The following DDHD1 variants were observed in gnomAD, a reference collection of about 807,000 sequenced individuals.
DDHD1 encodes DDHD domain containing 1.
In DDHD1, 49 loss-of-function variants were observed where a neutral mutation model predicts 96.4. That is an observed-to-expected ratio of 0.51 (90% confidence interval 0.40 to 0.64). The LOEUF is 0.64. Among genes scored for constraint, DDHD1 ranks in the 30% least tolerant of loss-of-function variants. The pLI, the probability that DDHD1 is intolerant of heterozygous loss-of-function variation, is 0.00. For synonymous variants in DDHD1, 442 were observed against 446.5 expected, an observed-to-expected ratio of 0.99 and a Z score of 0.13; for missense variants, 1,106 against 1,161.2, an observed-to-expected ratio of 0.95 and a Z score of 0.69.
chr14:53,086,668 GAAC>G (rs1216433193), intron 4 of DDHD1, among the ~76,000 whole-genome samples: 1 of 152,068 alleles, frequency 6.6e-6, no homozygotes, highest in Admixed American at 6.6e-5. Flanking sequence ...ACATGGAAAG[GAAC>G]AACTGGTACC....
Position 53,043,560 on chromosome 14 carries a change from T to C in DDHD1, c.*3208A>G, listed in dbSNP as rs1022569365. The C allele has an allele frequency of 1.3e-5, 2 of 150,516 alleles. No homozygotes were observed. Among genetic ancestry groups the C allele is most frequent in the African/African-American group, 5.0e-5 (2 of 39,780 alleles). 9.3% of individuals were successfully genotyped at this position (150,516 alleles called of 1,614,324 possible). ...TACCGACCTCAGCCTCCTGAGTAGC[T>C]GGGACCACAGGCGTCTGCCAACACA... On this transcript the variant is annotated 3_prime_UTR_variant, in exon 13 of 13. Transcript: ENST00000673822.
rs1884832898 is a variant in DDHD1, at chr14:53,074,987, T to C, written c.1290-1140A>G. Reference sequence around the variant, plus strand: ...GTATAAGATGAGCTTAATCGATAAATGTATGTGGTCTGACTGTTCCACTGA... The same window carrying C: ...GTATAAGATGAGCTTAATCGATAAACGTATGTGGTCTGACTGTTCCACTGA... On this transcript the variant is annotated intron_variant, in intron 4 of 12. Coordinates refer to ENST00000673822, the MANE Select transcript of DDHD1 (RefSeq NM_001160148.2). Among the ~76,000 whole-genome samples, 4 of 152,258 alleles carry C rather than the reference T, an allele frequency of 2.6e-5. No individual in the cohort carries two copies. In the South Asian group the frequency reaches 8.3e-4, roughly 32 times the overall value.
intron 4 of DDHD1, among the ~76,000 whole-genome samples, chr14:53,088,288 A>T (rs1238603878): frequency 6.6e-6 from 1 of 152,242 alleles, no homozygotes. Flanking sequence ...CAGTCAACAG[A>T]AAAAGAGGGA....
intron 8 of DDHD1, 22 bp downstream of exon 8, chr14:53,061,104 G>T (rs1025379572): frequency 6.3e-7 from 1 of 1,592,626 alleles, no homozygotes; most frequent in South Asian, 1.1e-5. Context: ...CAATGTTGAA[G>T]AACACATTGC....
chr14:53,101,486 G>A lies in DDHD1; in HGVS notation c.1012+2197C>T, dbSNP rs986101354. 7.2e-5 allele frequency among the ~76,000 whole-genome samples: 11 copies of A among 151,910 alleles called. No homozygotes were observed. The South Asian group carries it at 8.3e-4, about 11-fold the overall frequency. On this transcript the variant is annotated intron_variant, in intron 2 of 12. Coordinates refer to ENST00000673822, the MANE Select transcript of DDHD1 (RefSeq NM_001160148.2). Reference sequence around the variant, plus strand: ...TTATAAAAACAAATTTTCTTCTAATGAACCTCAAAGAATCATCATTTTTGA... The same window carrying A: ...TTATAAAAACAAATTTTCTTCTAATAAACCTCAAAGAATCATCATTTTTGA...
rs74559384 is a variant in DDHD1 at position 53,127,983 on chromosome 14, G to A, written c.839-24127C>T. Among the ~76,000 whole-genome samples, 619 of 152,326 alleles carry A rather than the reference G, an allele frequency of 4.1e-3. 7 individuals are homozygous for A. The highest frequency in any genetic ancestry group is 0.014 in the African/African-American group (593 of 41,580). ...TGTTGGGGGAGGAACCTCATGGGAG[G>A]TGAACAGAACACGCGGGTGGTTGCC... On this transcript the variant is annotated intron_variant, in intron 1 of 12. Coordinates refer to ENST00000673822, the MANE Select transcript of DDHD1 (RefSeq NM_001160148.2).
intron 1 of DDHD1, among the ~76,000 whole-genome samples, chr14:53,148,127 A>G (rs1476418807): frequency 1.3e-5 from 2 of 152,214 alleles, no homozygotes; most frequent in Non-Finnish European, 1.5e-5. Flanking sequence ...AGTAGGCTGT[A>G]TAAGTATACC....
At chr14:53,112,881 G>A (rs952770186) in intron 1 of DDHD1, among the ~76,000 whole-genome samples, 1 of 152,116 alleles carries the variant, frequency 6.6e-6, no homozygotes, top group Non-Finnish European at 1.5e-5. Context: ...TGAAAATCAT[G>A]AAGAGTGCCT....
chr14:53,075,196 C>T (rs1301761615), intron 4 of DDHD1, among the ~76,000 whole-genome samples: 2 of 152,130 alleles, frequency 1.3e-5, no homozygotes, highest in East Asian at 3.8e-4. Context: ...GTGAGAGAGG[C>T]ATGTCAAAAG....
chr14:53,111,550 G>T (rs1028191120), intron 1 of DDHD1, among the ~76,000 whole-genome samples: 5 of 152,106 alleles, frequency 3.3e-5, no homozygotes, highest in Admixed American at 6.5e-5. Context: ...GAGTTTTCCT[G>T]TACAGGTCAT....
intron 1 of DDHD1, among the ~76,000 whole-genome samples, chr14:53,107,640 A>C (rs1176409603): frequency 6.6e-6 from 1 of 152,094 alleles, no homozygotes; most frequent in African/African-American, 2.4e-5. Context: ...AAAATACAAA[A>C]ATTAGCCAGG....
rs1238539066 is a variant in DDHD1 at position 53,058,482 on chromosome 14, G to C, written c.1987C>G (p.Pro663Ala). ...GAGTCTATATTGCAACTCACCACTG[G>C]ATCTGTAGGATGAAAAATATTTAGT... Reference protein sequence around the residue: ...RLLNIFHPTDPVAYRLEPLIL... With the variant: ...RLLNIFHPTDAVAYRLEPLIL... The change falls in exon 9 of 13, where the codon CCA (proline) becomes GCA (alanine). Residue 663 changes from proline (P) to alanine (A), a missense_variant. Coordinates refer to ENST00000673822, the MANE Select transcript of DDHD1 (RefSeq NM_001160148.2). The C allele has an allele frequency of 6.2e-7, 1 of 1,610,342 alleles. No homozygotes were observed. Among genetic ancestry groups the C allele is most frequent in the Admixed American group, 1.7e-5 (1 of 59,134 alleles).
rs1437222148 is a variant in DDHD1, at chr14:53,142,245, A to G, written c.838+10016T>C. Among the ~76,000 whole-genome samples, 5 of 152,362 alleles carry G rather than the reference A, an allele frequency of 3.3e-5. No individual in the cohort carries two copies. The South Asian group carries it at 6.2e-4, about 19-fold the overall frequency. ...TGTTCCCACATGGTTTTTATTGCCA[A>G]TGCTGGATAAGGAATGGCTGTCACG... On this transcript the variant is annotated intron_variant, in intron 1 of 12. Coordinates refer to ENST00000673822, the MANE Select transcript of DDHD1 (RefSeq NM_001160148.2).
chr14:53,125,807 T>A (rs1191894560), intron 1 of DDHD1, among the ~76,000 whole-genome samples: 1 of 151,898 alleles, frequency 6.6e-6, no homozygotes, highest in Non-Finnish European at 1.5e-5. Context: ...GTTCATATGA[T>A]TCTCCTGCCT....
rs1414002995 is a variant in DDHD1 at position 53,043,340 on chromosome 14, T to TA, written c.*3427dup. On this transcript the variant is annotated 3_prime_UTR_variant, in exon 13 of 13. Transcript: ENST00000673822. ...CCGTTTAACAGAAAGAAGTAAAACG[T>TA]AAGATTCCTAAGGCTTGCTTCACAT... 4 of 151,992 alleles carry TA rather than the reference T, an allele frequency of 2.6e-5. No homozygotes were observed. Among genetic ancestry groups the TA allele is most frequent in the African/African-American group, 9.7e-5 (4 of 41,350 alleles). 9.4% of individuals were successfully genotyped at this position (151,992 alleles called of 1,614,324 possible).
intron 1 of DDHD1, among the ~76,000 whole-genome samples, chr14:53,110,124 G>T (rs1887999937): frequency 6.6e-6 from 1 of 152,220 alleles, no homozygotes; most frequent in Non-Finnish European, 1.5e-5. Context: ...CCAAGATGCT[G>T]CCTCCTCAAG....
chr14:53,096,465 T>C (rs942943509), intron 2 of DDHD1, among the ~76,000 whole-genome samples: 1 of 152,082 alleles, frequency 6.6e-6, no homozygotes, highest in Admixed American at 6.6e-5. Flanking sequence ...CTGATTATCA[T>C]GTTTAATGTC....
intron 1 of DDHD1, among the ~76,000 whole-genome samples, chr14:53,148,775 C>T (rs1665687965): frequency 6.6e-6 from 1 of 152,196 alleles, no homozygotes; most frequent in African/African-American, 2.4e-5. Flanking sequence ...AAATTGTGGG[C>T]ACTCAACAAC....
At chr14:53,108,887 T>C (rs943686197) in intron 1 of DDHD1, among the ~76,000 whole-genome samples, 1 of 152,216 alleles carries the variant, frequency 6.6e-6, no homozygotes, top group African/African-American at 2.4e-5. Context: ...GAGATGCCCT[T>C]TCCCTTTGCA....
Sources: gnomAD v4.1 joint callset for allele counts (sites outside exome capture counted in the v4.1 genomes callset) on GRCh38, gnomAD v4.1.1 for gene constraint, MANE v1.5 for transcripts, NCBI Gene and HGNC (gene_info 2026-07-23, HGNC 2026-07-21) for gene names.